Variants in SIRT1 observed in about 807,000 individuals in gnomAD.
SIRT1 encodes the protein NAD-dependent protein deacetylase sirtuin-1.
Under a neutral mutation model 67.9 loss-of-function variants are expected in SIRT1, and 24 were observed. That is an observed-to-expected ratio of 0.35 (90% confidence interval 0.26 to 0.50). The LOEUF (loss-of-function observed/expected upper bound fraction) is 0.50. SIRT1 is among the 20% of genes least tolerant of loss of function. SIRT1 has a pLI of 0.98. For synonymous variants in SIRT1, 378 were observed against 350.7 expected (o/e 1.08, Z -0.87); for missense variants, 873 against 937.2 (o/e 0.93, Z 0.89).
rs754951946 is a variant in SIRT1 at position 67,912,551 on chromosome 10, C to T, written c.1435C>T (p.Leu479Phe). The T allele has an allele frequency of 1.4e-5, 23 of 1,613,946 alleles. No individual in the cohort carries two copies. In the African/African-American group the frequency reaches 2.7e-4, roughly 19 times the overall value. ...LPHLHFDVEL[L>F]GDCDVIINEL... Reference sequence around the variant, plus strand: ...TCATCTGCATTTTGATGTAGAGCTTCTTGGAGACTGTGATGTCATAATTAA... The same window carrying T: ...TCATCTGCATTTTGATGTAGAGCTTTTTGGAGACTGTGATGTCATAATTAA... Residue 479 changes from leucine (L) to phenylalanine (F), a missense_variant, in exon 8 of 9, where the codon CTT (leucine) becomes TTT (phenylalanine). By Grantham distance (22) the Leu-to-Phe change is conservative (BLOSUM62 0). This residue lies in a region of SIRT1 where 251 missense variants were observed against 358.8 expected (regional missense o/e 0.70). Transcript: ENST00000212015.
At chr10:67,915,041 A>G (rs2029875060) in intron 8 of SIRT1, among the ~76,000 whole-genome samples, 1 of 151,968 alleles carries the variant, frequency 6.6e-6, no homozygotes, top group African/African-American at 2.4e-5. Flanking sequence ...TGTCTTGGGA[A>G]ACTCATGAGT....
chr10:67,886,561 A>G (rs1309079630), intron 1 of SIRT1, among the ~76,000 whole-genome samples: 4 of 151,582 alleles, frequency 2.6e-5, no homozygotes, highest in Admixed American at 6.6e-5. Context: ...GTCTCAAAAA[A>G]AAAAAAAAAA....
At chr10:67,898,712 T>C (rs975320357) in intron 4 of SIRT1, among the ~76,000 whole-genome samples, 2 of 152,324 alleles carry the variant, frequency 1.3e-5, no homozygotes, top group Admixed American at 1.3e-4. Context: ...GGCTTGCGAC[T>C]GTAGTCCCAG....
rs1842573042 is a variant in SIRT1, at chr10:67,891,494, A to G, written c.882A>G (p.Gln294=). The part of the protein sequence containing the change: ...AVDFPDLPDP[Q]AMFDIEYFRK... Reference sequence around the variant, plus strand: ...ACTTCCCAGATCTTCCAGATCCTCAAGCGATGTTTGATATTGAATATTTCA... The same window carrying G: ...ACTTCCCAGATCTTCCAGATCCTCAGGCGATGTTTGATATTGAATATTTCA... The change falls in exon 4 of 9, where the codon CAA becomes CAG. Residue 294 remains glutamine (Q), a synonymous_variant. Coordinates refer to ENST00000212015, the MANE Select transcript of SIRT1 (RefSeq NM_012238.5). 6.2e-7 allele frequency: 1 copy of G among 1,614,126 alleles called. No individual in the cohort carries two copies.
At chr10:67,891,794 T>C (rs1308341163) in intron 4 of SIRT1, among the ~76,000 whole-genome samples, 1 of 152,242 alleles carries the variant, frequency 6.6e-6, no homozygotes, top group Non-Finnish European at 1.5e-5. Context: ...AAATTTGCAC[T>C]GCAGCGATGG....
chr10:67,886,514 C>T (rs1331687943), intron 1 of SIRT1, among the ~76,000 whole-genome samples: 3 of 148,338 alleles, frequency 2.0e-5, no homozygotes, highest in Admixed American at 6.7e-5. Context: ...TGTGATCCTG[C>T]CACTGCACTC....
rs776694392 is a variant in SIRT1, at chr10:67,913,050, C to T, written c.1915+19C>T. The T allele has an allele frequency of 6.4e-7, 1 of 1,573,498 alleles. No homozygotes were observed. On this transcript the variant is annotated intron_variant, in intron 8 of 8. Transcript: ENST00000212015. ...CTTGATGGTAAGAAAGGCAGTCGGA[C>T]CATTTTGAAAGTATAAATGTCATAA... is the stretch of plus-strand genomic sequence containing the variant.
rs2029914378 is a variant in SIRT1, at chr10:67,916,418, A to G, written c.2069A>G (p.Glu690Gly). Residue 690 changes from glutamate to glycine, a missense_variant, in exon 9 of 9, where the codon GAG (glutamate) becomes GGG (glycine). Glu to Gly is a moderately conservative substitution (Grantham distance 98, BLOSUM62 -2). This residue lies in a region of SIRT1 where 295 missense variants were observed against 294.5 expected (regional missense o/e 1.00). Transcript: ENST00000212015. ...AGTCCAAGTTTAGAAGAACCCATGGAGGATGAAAGTGAAATTGAAGAATTC... is the reference window on the plus strand; with the variant it reads ...AGTCCAAGTTTAGAAGAACCCATGGGGGATGAAAGTGAAATTGAAGAATTC... ...CQSPSLEEPM[E>G]DESEIEEFYN... 1 of 1,614,096 alleles carries G rather than the reference A, an allele frequency of 6.2e-7. No individual in the cohort carries two copies. Among genetic ancestry groups the G allele is most frequent in the Admixed American group, 1.7e-5 (1 of 60,002 alleles).
chr10:67,907,013 C>T (rs777399389), intron 5 of SIRT1, 76 bp downstream of exon 5: 13 of 1,250,302 alleles, frequency 1.0e-5, no homozygotes, highest in African/African-American at 1.6e-5. Context: ...AGCTGACTGC[C>T]ATCGAGAAGT....
chr10:67,885,157 CA>C lies in SIRT1; in HGVS notation c.430+7del. The C allele has an allele frequency of 7.2e-7, 1 of 1,390,716 alleles. No homozygotes were observed. The highest frequency in any genetic ancestry group is 9.4e-7 in the Non-Finnish European group (1 of 1,064,198). The allele number at this position is 1,390,716 out of a possible 1,614,324, so 86.1% of individuals were successfully genotyped here. On this transcript the variant is annotated splice_region_variant and intron_variant, in intron 1 of 8. Coordinates refer to ENST00000212015, the MANE Select transcript of SIRT1 (RefSeq NM_012238.5). ...GGCGGCGATTGGGTACCGAGGTGCG[CA>C]GGGTGCGGGCGGCCGGAACTGCGCA...
chr10:67,908,849 C>T (rs2131883535), intron 6 of SIRT1, among the ~76,000 whole-genome samples: 1 of 152,276 alleles, frequency 6.6e-6, no homozygotes, highest in South Asian at 2.1e-4. Context: ...TTGTAGTGAG[C>T]TGAGATCATG....
At chr10:67,913,265 A>G (rs974882015) in intron 8 of SIRT1, among the ~76,000 whole-genome samples, 2 of 152,330 alleles carry the variant, frequency 1.3e-5, no homozygotes, top group African/African-American at 2.4e-5. Context: ...ATGGAAAAAT[A>G]AGAATGGGTT....
At chr10:67,910,982 G>T (rs1056968713) in intron 7 of SIRT1, among the ~76,000 whole-genome samples, 2 of 152,182 alleles carry the variant, frequency 1.3e-5, no homozygotes, top group African/African-American at 4.8e-5. Flanking sequence ...ACAGTTGGAA[G>T]AAACATGGAG....
intron 4 of SIRT1, among the ~76,000 whole-genome samples, chr10:67,893,688 G>A (rs117924879): frequency 0.097 from 14,706 of 152,080 alleles, 905 homozygotes; most frequent in Middle Eastern, 0.18. Flanking sequence ...GGGACTACAG[G>A]CGCGTGCTGC....
chr10:67,911,908 A>G (rs1354928154), intron 7 of SIRT1, among the ~76,000 whole-genome samples: 1 of 151,610 alleles, frequency 6.6e-6, no homozygotes, highest in Non-Finnish European at 1.5e-5. Context: ...GATTAGAGGC[A>G]TGCGCTACCA....
intron 1 of SIRT1, among the ~76,000 whole-genome samples, chr10:67,886,746 T>G (rs181395123): frequency 3.2e-4 from 48 of 152,288 alleles, no homozygotes; most frequent in African/African-American, 1.0e-3. Flanking sequence ...AACGTGCGCA[T>G]TGCCAAGGTT....
chr10:67,892,923 A>G (rs1842596198), intron 4 of SIRT1, among the ~76,000 whole-genome samples: 1 of 152,218 alleles, frequency 6.6e-6, no homozygotes, highest in Non-Finnish European at 1.5e-5. Context: ...TAATGTGGTT[A>G]CTAAACAATT....
intron 4 of SIRT1, among the ~76,000 whole-genome samples, chr10:67,904,704 G>A (rs1163519169): frequency 6.6e-6 from 1 of 151,978 alleles, no homozygotes; most frequent in Non-Finnish European, 1.5e-5. Flanking sequence ...AATTAGCTGG[G>A]GTGGTGGCAC....
intron 3 of SIRT1, among the ~76,000 whole-genome samples, chr10:67,889,749 G>A (rs1449484764): frequency 1.3e-4 from 20 of 152,098 alleles, no homozygotes; most frequent in Admixed American, 1.3e-3. Context: ...GTTGCGAAAG[G>A]GTGTTACATA....
Sources: allele counts gnomAD v4.1 joint callset (sites outside exome capture counted in the v4.1 genomes callset), GRCh38; gene constraint gnomAD v4.1.1; regional missense constraint gnomAD v4.1.1; transcripts MANE v1.5; gene names NCBI Gene and HGNC (gene_info 2026-07-23, HGNC 2026-07-21).